Variants in AP4S1 observed in about 807,000 individuals in gnomAD.
AP4S1 encodes the protein adaptor related protein complex 4 subunit sigma 1.
In AP4S1, 23 loss-of-function variants were observed where a neutral mutation model predicts 19.8. That is an observed-to-expected ratio of 1.16 (90% CI 0.84 to 1.65). The LOEUF is 1.65. Among genes scored for constraint, AP4S1 ranks in the 40% most tolerant of loss-of-function variants. AP4S1 has a pLI of 0.00. For synonymous variants in AP4S1, 46 were observed against 54.1 expected, an observed-to-expected ratio of 0.85 and a Z score of 0.66; for missense variants, 166 against 172.8, an observed-to-expected ratio of 0.96 and a Z score of 0.22.
chr14:31,027,739 T>C (rs1884113654), intron 1 of AP4S1, among the ~76,000 whole-genome samples: 1 of 152,212 alleles, frequency 6.6e-6, no homozygotes, highest in Admixed American at 6.5e-5. Flanking sequence ...CAATAGTGGG[T>C]ACTTTTATGT....
intron 1 of AP4S1, among the ~76,000 whole-genome samples, chr14:31,059,252 C>T (rs1443933948): frequency 6.6e-6 from 1 of 152,190 alleles, no homozygotes; most frequent in Non-Finnish European, 1.5e-5. Context: ...CCTTCATTTA[C>T]TCTTTTCAAA....
chr14:31,026,364 A>C, intron 1 of AP4S1: 2 of 486,940 alleles, frequency 4.1e-6, no homozygotes, highest in Admixed American at 4.7e-5. Flanking sequence ...CCGCCATTAC[A>C]ATCCCTCCTC....
chr14:31,084,787 C>T, intron 5 of AP4S1: 1 of 1,614,082 alleles, frequency 6.2e-7, no homozygotes, highest in Non-Finnish European at 8.5e-7. Flanking sequence ...TGATGAACTT[C>T]CCAAAATATG....
intron 1 of AP4S1, among the ~76,000 whole-genome samples, chr14:31,030,145 C>G (rs1407242619): frequency 2.0e-5 from 3 of 152,020 alleles, no homozygotes; most frequent in Non-Finnish European, 4.4e-5. Context: ...GCCACCATGC[C>G]CAGCAAATAT....
At chr14:31,045,713 C>G (rs1885358633) in intron 1 of AP4S1, among the ~76,000 whole-genome samples, 1 of 152,092 alleles carries the variant, frequency 6.6e-6, no homozygotes, top group African/African-American at 2.4e-5. Context: ...TATATTTGGC[C>G]TTTGTTCCTG....
intron 1 of AP4S1, among the ~76,000 whole-genome samples, chr14:31,060,943 G>A (rs1286046915): frequency 6.6e-6 from 1 of 151,876 alleles, no homozygotes; most frequent in East Asian, 1.9e-4. Flanking sequence ...AGGCTGCAGT[G>A]CAGTGGCACG....
intron 5 of AP4S1, among the ~76,000 whole-genome samples, chr14:31,089,657 G>C (rs761210318): frequency 1.3e-5 from 2 of 152,192 alleles, no homozygotes; most frequent in Non-Finnish European, 2.9e-5. Context: ...GCTCACGCCT[G>C]TAATCCCAGA....
chr14:31,058,519 G>A (rs71417942), intron 1 of AP4S1, among the ~76,000 whole-genome samples: 1 of 91,458 alleles, frequency 1.1e-5, no homozygotes, highest in Non-Finnish European at 2.4e-5. Context: ...CCCCATCTCT[G>A]TGTGTGTATG....
intron 1 of AP4S1, among the ~76,000 whole-genome samples, chr14:31,043,958 A>G (rs1885252024): frequency 6.6e-6 from 1 of 152,228 alleles, no homozygotes; most frequent in Non-Finnish European, 1.5e-5. Flanking sequence ...AAAACAGCAC[A>G]TATTTTAAAG....
intron 1 of AP4S1, among the ~76,000 whole-genome samples, chr14:31,038,839 C>G (rs1316327549): frequency 6.6e-6 from 1 of 152,110 alleles, no homozygotes; most frequent in Non-Finnish European, 1.5e-5. Context: ...ATGCTCTGTT[C>G]CTGAGTTGGT....
At chr14:31,046,675 C>T (rs1038773556) in intron 1 of AP4S1, among the ~76,000 whole-genome samples, 9 of 152,108 alleles carry the variant, frequency 5.9e-5, no homozygotes, top group African/African-American at 1.4e-4. Context: ...GAAACCCCGT[C>T]GCTACTAAAA....
At chr14:31,025,203 G>A (rs947357641), upstream of AP4S1, 2 of 152,326 alleles carry the variant, frequency 1.3e-5, no homozygotes, top group Non-Finnish European at 2.9e-5. Flanking sequence ...CTAGTGGAGA[G>A]TACTGTAAAA....
chr14:31,082,358 C>A (rs1038977941), intron 5 of AP4S1, among the ~76,000 whole-genome samples: 2 of 152,146 alleles, frequency 1.3e-5, no homozygotes, highest in Non-Finnish European at 2.9e-5. Flanking sequence ...TTTTATTCAA[C>A]ATGTAATATT....
chr14:31,082,431 A>G (rs1887685144), intron 5 of AP4S1, among the ~76,000 whole-genome samples: 1 of 152,210 alleles, frequency 6.6e-6, no homozygotes, highest in African/African-American at 2.4e-5. Context: ...AACAAGGTAC[A>G]AGTAGACAAA....
chr14:31,050,700 A>G (rs1439195219), intron 1 of AP4S1, among the ~76,000 whole-genome samples: 1 of 152,212 alleles, frequency 6.6e-6, no homozygotes, highest in African/African-American at 2.4e-5. Flanking sequence ...TTACCATGAT[A>G]CATGTATCAA....
chr14:31,047,529 A>G (rs1486605500), intron 1 of AP4S1, among the ~76,000 whole-genome samples: 3 of 151,550 alleles, frequency 2.0e-5, no homozygotes, highest in African/African-American at 4.8e-5. Context: ...CTGGGACTAC[A>G]TACAGGCGCC....
chr14:31,040,182 C>T (rs1285856526), intron 1 of AP4S1, among the ~76,000 whole-genome samples: 5 of 136,940 alleles, frequency 3.7e-5, no homozygotes, highest in Non-Finnish European at 7.6e-5. Context: ...GACAGGGTCT[C>T]GTTCCCTCCC....
intron 5 of AP4S1, among the ~76,000 whole-genome samples, chr14:31,088,056 C>G (rs1038898234): frequency 6.6e-6 from 1 of 152,206 alleles, no homozygotes; most frequent in Non-Finnish European, 1.5e-5. Flanking sequence ...AGCATGGGAG[C>G]TCTAGCCAGG....
At chr14:31,028,564 A>G (rs1420098349) in intron 1 of AP4S1, among the ~76,000 whole-genome samples, 1 of 151,802 alleles carries the variant, frequency 6.6e-6, no homozygotes, top group East Asian at 1.9e-4. Context: ...AAGCTCAGAA[A>G]AATTATGCTG....
Sources: gnomAD v4.1 joint callset for allele counts (sites outside exome capture counted in the v4.1 genomes callset) on GRCh38, gnomAD v4.1.1 for gene constraint, MANE v1.5 for transcripts, NCBI Gene and HGNC (gene_info 2026-07-23, HGNC 2026-07-21) for gene names.